Variants in MYOT observed in about 807,000 individuals in gnomAD.
MYOT encodes myotilin.
MYOT carries 36 observed loss-of-function variants against 58.0 expected under a neutral mutation model. The ratio of observed to expected loss-of-function variants is 0.62; its 90% CI spans 0.48 to 0.82. The LOEUF (loss-of-function observed/expected upper bound fraction) is 0.82, where lower values mean the gene tolerates loss of function less well. Ranked by LOEUF, MYOT falls within the 40% of genes least tolerant of loss-of-function variation. MYOT has a pLI of 0.00. For missense variants in MYOT, 505 were observed against 592.1 expected, an observed-to-expected ratio of 0.85 and a Z score of 1.53; for synonymous variants, 218 against 204.6, an observed-to-expected ratio of 1.07 and a Z score of -0.56.
At chr5:137,883,352 A>T (rs961752250) in intron 6 of MYOT, 32 bp from the exon 7 acceptor site, 1 of 1,571,742 alleles carries the variant, frequency 6.4e-7, no homozygotes, top group Non-Finnish European at 8.8e-7. Context: ...ATACTTTAAA[A>T]TTCTGCCATC....
chr5:137,875,149 G>A (rs1755169207), intron 2 of MYOT, among the ~76,000 whole-genome samples: 1 of 152,082 alleles, frequency 6.6e-6, no homozygotes, highest in Non-Finnish European at 1.5e-5. Flanking sequence ...CAAGAAATTC[G>A]GTCATCGTAG....
intron 1 of MYOT, among the ~76,000 whole-genome samples, chr5:137,868,956 A>ACTTCAGGATGTTTTTCCCCAACAATTT (rs1754956387): frequency 1.3e-5 from 2 of 152,156 alleles, no homozygotes; most frequent in Admixed American, 6.5e-5. Context: ...TTAACTTTTT[A>ACTTCAGGATGTTTTTCCCCAACAATTT]AGTATTCTTT....
In MYOT at chr5:137,887,224, C is replaced by T; in HGVS notation, c.1336C>T (p.Gln446Ter). 1.2e-5 allele frequency: 19 copies of T among 1,613,980 alleles called. No individual in the cohort carries two copies. The highest frequency in any genetic ancestry group is 1.6e-5 in the Non-Finnish European group (19 of 1,179,964). ...TRLDVTARPN[Q>*]TLPAPKQLRV... Reference sequence around the variant, plus strand: ...GTGATCTATTTCAGCACGTCCAAACCAAACTCTTCCAGCTCCTAAGCAGTT... The same window carrying T: ...GTGATCTATTTCAGCACGTCCAAACTAAACTCTTCCAGCTCCTAAGCAGTT... The change falls in exon 10 of 10, where the codon CAA becomes TAA. Residue 446 changes from glutamine (Q) to a stop codon, truncating the protein, a stop_gained. Coordinates refer to ENST00000239926, the MANE Select transcript of MYOT (RefSeq NM_006790.3). LOFTEE classifies it high-confidence loss of function.
At position 137,875,824 on chromosome 5, in the gene MYOT, T is replaced by C; in HGVS notation, c.357-5T>C. ...TTAAAAATCTTTTCTTTTTCCTTTT[T>C]AAAGCTATCAACAGTCCTCAGCTGG... On this transcript the variant is annotated splice_region_variant and splice_polypyrimidine_tract_variant and intron_variant, in intron 2 of 9. Transcript: ENST00000239926. 1 of 1,614,054 alleles carries C rather than the reference T, an allele frequency of 6.2e-7. No individual in the cohort carries two copies. Among genetic ancestry groups the C allele is most frequent in the Non-Finnish European group, 8.5e-7 (1 of 1,179,950 alleles).
chr5:137,875,793 T>C, intron 2 of MYOT, 36 bp from the exon 3 acceptor site: 1 of 1,610,498 alleles, frequency 6.2e-7, no homozygotes, highest in South Asian at 1.1e-5. Flanking sequence ...GGCCAAGACC[T>C]TCTTTTTAAA....
rs79279496 is a variant in MYOT, at chr5:137,885,322, T to C, written c.1025-726T>C. Among the ~76,000 whole-genome samples the C allele has an allele frequency of 2.0e-5, 3 of 152,122 alleles. No individual in the cohort carries two copies. In the East Asian group the frequency reaches 5.8e-4, roughly 29 times the overall value. On this transcript the variant is annotated intron_variant, in intron 7 of 9. Transcript: ENST00000239926. ...AGTCACTACTACCGGGATTTTTTTT[T>C]TATAACAATAGATAAAACTGAGACT...
At chr5:137,876,454 A>G (rs1755223821) in intron 3 of MYOT, among the ~76,000 whole-genome samples, 1 of 152,214 alleles carries the variant, frequency 6.6e-6, no homozygotes, top group Non-Finnish European at 1.5e-5. Flanking sequence ...TTAGCCTATC[A>G]GTTGGACTGC....
chr5:137,871,377 T>C (rs1755045207), intron 2 of MYOT, among the ~76,000 whole-genome samples: 1 of 152,254 alleles, frequency 6.6e-6, no homozygotes, highest in Non-Finnish European at 1.5e-5. Flanking sequence ...GGTTCTGGGC[T>C]TGGCTAAGAT....
intron 8 of MYOT, chr5:137,886,577 C>T (rs1001489004): frequency 1.9e-5 from 7 of 367,572 alleles, no homozygotes; most frequent in East Asian, 6.1e-5. Flanking sequence ...AGACAGATAA[C>T]GGAACAGGTC....
chr5:137,868,755 A>G (rs1754949885), intron 1 of MYOT, among the ~76,000 whole-genome samples: 1 of 149,276 alleles, frequency 6.7e-6, no homozygotes, highest in Non-Finnish European at 1.5e-5. Flanking sequence ...TCTGGATTCA[A>G]TTCTGCAACA....
At chr5:137,882,746 C>T (rs1170317471) in intron 6 of MYOT, 4 of 155,966 alleles carry the variant, frequency 2.6e-5, no homozygotes, top group Admixed American at 1.9e-4. Flanking sequence ...AAATTCAAGC[C>T]ACCCTGCTTT....
At chr5:137,881,215 G>A (rs1158055219) in intron 5 of MYOT, among the ~76,000 whole-genome samples, 1 of 152,166 alleles carries the variant, frequency 6.6e-6, no homozygotes, top group African/African-American at 2.4e-5. Flanking sequence ...TCATGGCACT[G>A]TAAAAGAGAA....
chr5:137,883,294 C>T (rs1023487112), intron 6 of MYOT, 90 bp from the exon 7 acceptor site: 30 of 1,095,488 alleles, frequency 2.7e-5, no homozygotes, highest in Admixed American at 1.9e-4. Flanking sequence ...CACTCAGATA[C>T]GGGAACTGTT....
chr5:137,883,367 T>A lies in MYOT; in HGVS notation c.817-17T>A, dbSNP rs767573783. ...ATACTTTAAAATTCTGCCATCTCCT[T>A]GTGTTTTTCTTTCTAGGTGAGTGGA... On this transcript the variant is annotated splice_polypyrimidine_tract_variant and intron_variant, in intron 6 of 9. Transcript: ENST00000239926. 4 of 1,607,284 alleles carry A rather than the reference T, an allele frequency of 2.5e-6. No individual in the cohort carries two copies. The highest frequency in any genetic ancestry group is 2.6e-6 in the Non-Finnish European group (3 of 1,174,052).
chr5:137,876,268 A>C, intron 3 of MYOT: 1 of 432,582 alleles, frequency 2.3e-6, no homozygotes, highest in Non-Finnish European at 4.2e-6. Flanking sequence ...CTCTCATAAA[A>C]TATGTCTGAT....
chr5:137,875,917 G>A lies in MYOT; in HGVS notation c.445G>A (p.Glu149Lys). 1 of 1,614,074 alleles carries A rather than the reference G, an allele frequency of 6.2e-7. No individual in the cohort carries two copies. The highest frequency in any genetic ancestry group is 1.1e-5 in the South Asian group (1 of 91,076). ...AKPIPRTPDH[E>K]IQGSKEALIQ... Reference sequence around the variant, plus strand: ...GCCCATACCAAGAACTCCTGATCATGAAATACAAGGATCAAAAGAAGCTTT... The same window carrying A: ...GCCCATACCAAGAACTCCTGATCATAAAATACAAGGATCAAAAGAAGCTTT... Residue 149 changes from glutamate to lysine, a missense_variant, in exon 3 of 10, where the codon GAA (glutamate) becomes AAA (lysine). By Grantham distance (56) the Glu-to-Lys change is moderately conservative. Transcript: ENST00000239926.
intron 2 of MYOT, among the ~76,000 whole-genome samples, chr5:137,872,834 CA>C (rs1026339059): frequency 6.6e-6 from 1 of 152,124 alleles, no homozygotes; most frequent in African/African-American, 2.4e-5. Context: ...TTGTTCCTTC[CA>C]AAAAGCTTGC....
In MYOT at chr5:137,875,759, A is replaced by G; in HGVS notation, c.357-70A>G. On this transcript the variant is annotated intron_variant, in intron 2 of 9. Coordinates refer to ENST00000239926, the MANE Select transcript of MYOT (RefSeq NM_006790.3). ...TAGTACTAAGTGGTAAACTCAACATATCTAAAGGTAATTTGCAAAATGAGG... is the reference window on the plus strand; with the variant it reads ...TAGTACTAAGTGGTAAACTCAACATGTCTAAAGGTAATTTGCAAAATGAGG... The G allele has an allele frequency of 4.8e-6, 7 of 1,451,452 alleles. No individual in the cohort carries two copies. In the South Asian group the frequency reaches 8.1e-5, roughly 17 times the overall value. 89.9% of individuals were successfully genotyped at this position (1,451,452 alleles called of 1,614,324 possible). A position where few individuals can be genotyped will look rare whatever the true frequency, so the allele number is the denominator to read the frequency against.
intron 2 of MYOT, among the ~76,000 whole-genome samples, chr5:137,871,223 T>A (rs918367022): frequency 6.6e-6 from 1 of 152,210 alleles, no homozygotes; most frequent in Non-Finnish European, 1.5e-5. Flanking sequence ...CAAGCTGCGC[T>A]GAATCCAATT....
Sources: allele counts gnomAD v4.1 joint callset (sites outside exome capture counted in the v4.1 genomes callset), GRCh38; gene constraint gnomAD v4.1.1; transcripts MANE v1.5; gene names NCBI Gene and HGNC (gene_info 2026-07-23, HGNC 2026-07-21).